Variants in HGS observed in about 807,000 individuals in gnomAD.
HGS encodes hepatocyte growth factor-regulated tyrosine kinase substrate, also known as human growth factor-regulated tyrosine kinase substrate.
A neutral mutation model predicts 109.7 loss-of-function variants in HGS; 63 were observed. The ratio of observed to expected loss-of-function variants is 0.57; its 90% CI spans 0.47 to 0.71. HGS has a LOEUF of 0.71. Ranked by LOEUF, HGS falls within the 30% of genes least tolerant of loss-of-function variation. HGS has a pLI of 0.00. For synonymous variants in HGS, 546 were observed against 437.3 expected (o/e 1.25, Z -3.10); for missense variants, 995 against 1,068.3 (o/e 0.93, Z 0.96).
At chr17:81,693,478 C>A (rs1327087791) in intron 8 of HGS, 25 bp from the exon 9 acceptor site, 7 of 1,593,722 alleles carry the variant, frequency 4.4e-6, no homozygotes, top group Non-Finnish European at 6.0e-6. Context: ...CGCATGGTGA[C>A]CTGCAGCATT....
At chr17:81,698,899 T>C (rs531806749) in intron 18 of HGS, among the ~76,000 whole-genome samples, 1 of 152,026 alleles carries the variant, frequency 6.6e-6, no homozygotes, top group Admixed American at 6.5e-5. Context: ...TGAAACCCCG[T>C]CTACTAAAAA....
Position 81,691,148 on chromosome 17 carries a change from C to T in HGS, c.538-299C>T, listed in dbSNP as rs2037058248. 6 of 449,684 alleles carry T rather than the reference C, an allele frequency of 1.3e-5. No individual in the cohort carries two copies. Among genetic ancestry groups the T allele is most frequent in the Non-Finnish European group, 2.0e-5 (5 of 245,910 alleles). The allele number at this position is 449,684 out of a possible 1,614,324, so 27.9% of individuals were successfully genotyped here. A position where few individuals can be genotyped will look rare whatever the true frequency, so the allele number is the denominator to read the frequency against. On this transcript the variant is annotated intron_variant, in intron 7 of 21. Coordinates refer to ENST00000329138, the MANE Select transcript of HGS (RefSeq NM_004712.5). This position sits in a 1 kb window ranked among gnomAD's most constrained non-coding sequence, Gnocchi z 5.3. ...TTGGGGTTTGGGGTGTCAGCAGCTT[C>T]CAGCACCCACTGCACTCACAAAAGC...
intron 4 of HGS, 100 bp from the exon 5 acceptor site, chr17:81,688,604 C>T: frequency 2.1e-6 from 3 of 1,458,728 alleles, no homozygotes; most frequent in Non-Finnish European, 2.8e-6. Context: ...GTGTCAGCCC[C>T]ATCTGCTCAG....
At chr17:81,685,356 C>T (rs1263846618) in intron 1 of HGS, among the ~76,000 whole-genome samples, 1 of 152,180 alleles carries the variant, frequency 6.6e-6, no homozygotes, top group East Asian at 1.9e-4. Context: ...AGTGTCTTTA[C>T]CTCGCTCGCG....
chr17:81,689,943 G>A (rs2037038692), intron 5 of HGS, among the ~76,000 whole-genome samples: 2 of 152,224 alleles, frequency 1.3e-5, no homozygotes, highest in African/African-American at 4.8e-5. Flanking sequence ...TGATGGAGTG[G>A]GAGCAGTGTC....
In HGS at chr17:81,699,840, C is replaced by T. The variant is rs1363218474; in HGVS notation, c.1883-627C>T. 2.6e-5 allele frequency among the ~76,000 whole-genome samples: 4 copies of T among 151,756 alleles called. No individual in the cohort carries two copies. In the East Asian group the frequency reaches 7.8e-4, roughly 30 times the overall value. ...CTATAATCCCAGCACTTCGGGAGGC[C>T]GAGGCGGGTGGATCACCTGAGGTCA... On this transcript the variant is annotated intron_variant, in intron 18 of 21. Transcript: ENST00000329138.
At chr17:81,697,349 G>GCCCCCCCCCC (rs59387473) in intron 18 of HGS, 7 of 61,804 alleles carry the variant, frequency 1.1e-4, no homozygotes, top group African/African-American at 3.8e-4. Flanking sequence ...CGTGGCATTT[G>GCCCCCCCCCC]CCCCCCCCCC....
intron 18 of HGS, chr17:81,698,506 T>C (rs2037188254): frequency 6.6e-6 from 1 of 152,194 alleles, no homozygotes; most frequent in Admixed American, 6.5e-5. Context: ...GCCATTGGTT[T>C]GGGTTGCTCC....
chr17:81,701,411 A>G (rs1343188548), intron 21 of HGS, 97 bp from the exon 22 acceptor site: 4 of 1,298,846 alleles, frequency 3.1e-6, no homozygotes, highest in South Asian at 1.3e-5. Context: ...CATGGATTAC[A>G]AGCACTTGTG....
chr17:81,691,157 A>G lies in HGS; in HGVS notation c.538-290A>G, dbSNP rs2037058421. 3 of 467,768 alleles carry G rather than the reference A, an allele frequency of 6.4e-6. No individual in the cohort carries two copies. Among genetic ancestry groups the G allele is most frequent in the Non-Finnish European group, 3.9e-6 (1 of 255,284 alleles). The allele number at this position is 467,768 out of a possible 1,614,324, so 29.0% of individuals were successfully genotyped here. On this transcript the variant is annotated intron_variant, in intron 7 of 21. Transcript: ENST00000329138. The surrounding 1 kb of genome is among the most constrained non-coding windows in gnomAD (Gnocchi z 5.3). ...GGGGTGTCAGCAGCTTCCAGCACCCACTGCACTCACAAAAGCTCTTGTTTT... is the reference window on the plus strand; with the variant it reads ...GGGGTGTCAGCAGCTTCCAGCACCCGCTGCACTCACAAAAGCTCTTGTTTT...
chr17:81,693,215 G>A (rs991253000), intron 8 of HGS, among the ~76,000 whole-genome samples: 18 of 152,186 alleles, frequency 1.2e-4, no homozygotes, highest in South Asian at 4.1e-4. Flanking sequence ...CCCGAGTGCC[G>A]TAGGAAGGTC....
Position 81,700,682 on chromosome 17 carries a change from A to G in HGS, c.2017-13A>G. 5.0e-6 allele frequency: 8 copies of G among 1,590,502 alleles called. No homozygotes were observed. Among genetic ancestry groups the G allele is most frequent in the Non-Finnish European group, 6.8e-6 (8 of 1,169,492 alleles). ...CCCAGCCCCTTCTCCCATGGCACTC[A>G]TTCCCTCCGCAGAACGTGGCCTCCC... On this transcript the variant is annotated splice_polypyrimidine_tract_variant and intron_variant, in intron 19 of 21. Transcript: ENST00000329138.
chr17:81,685,254 T>G (rs940243208), intron 1 of HGS, among the ~76,000 whole-genome samples: 6 of 152,162 alleles, frequency 3.9e-5, no homozygotes, highest in Non-Finnish European at 7.4e-5. Flanking sequence ...GGTTCTTTGT[T>G]GAGAAGCAGC....
intron 6 of HGS, chr17:81,690,447 G>A (rs1223759647): frequency 3.1e-6 from 2 of 638,444 alleles, no homozygotes; most frequent in East Asian, 2.8e-5. Flanking sequence ...TGGCTAGGGG[G>A]CTCGGGAAAG....
At chr17:81,688,563 C>T (rs576028027) in intron 4 of HGS, 141 bp from the exon 5 acceptor site, 13 of 991,190 alleles carry the variant, frequency 1.3e-5, no homozygotes, top group South Asian at 6.2e-5. Context: ...ATGGCCCCCA[C>T]GCCCCACTCG....
rs761017744 is a variant in HGS at position 81,696,412 on chromosome 17, G to A, written c.1449G>A (p.Ala483=). 6.4e-5 allele frequency: 102 copies of A among 1,581,438 alleles called. No individual in the cohort carries two copies. The highest frequency in any genetic ancestry group is 3.2e-4 in the East Asian group (14 of 44,098). The change falls in exon 16 of 22, where the codon GCG becomes GCA. Residue 483 remains alanine, a synonymous_variant. Coordinates refer to ENST00000329138, the MANE Select transcript of HGS (RefSeq NM_004712.5). ...KLAQIRDARG[A]LSALREEHRE... The stretch of plus-strand genomic sequence containing the variant: ...CACAGATCCGCGATGCCCGGGGGGC[G>A]CTGAGTGCCCTGCGCGAAGAGCACC...
chr17:81,694,983 C>T lies in HGS; in HGVS notation c.1035C>T (p.Ser345=). The T allele has an allele frequency of 6.2e-7, 1 of 1,614,116 alleles. No homozygotes were observed. Among genetic ancestry groups the T allele is most frequent in the African/African-American group, 1.3e-5 (1 of 75,070 alleles). ...WEKKQEEARK[S]PTPSAPVPLT... is the part of the protein sequence containing the mutation. ...AGAAGCAGGAGGAGGCTCGCAAGAG[C>T]CCCACGCCATCTGCGCCCGTGCCCC... The change falls in exon 13 of 22, where the codon AGC becomes AGT. Residue 345 remains serine, a synonymous_variant. Coordinates refer to ENST00000329138, the MANE Select transcript of HGS (RefSeq NM_004712.5).
intron 3 of HGS, among the ~76,000 whole-genome samples, 165 bp from the exon 4 acceptor site, chr17:81,686,838 T>A: frequency 6.7e-6 from 1 of 149,358 alleles, no homozygotes; most frequent in South Asian, 2.1e-4. Flanking sequence ...CTCCGGCCAC[T>A]GACGGGCCTG....
intron 1 of HGS, 99 bp downstream of exon 1, chr17:81,684,202 G>T: frequency 9.0e-7 from 1 of 1,110,056 alleles, no homozygotes. Context: ...GCGCGGACCG[G>T]CCGCCCTGCC....
Sources: gnomAD v4.1 joint callset for allele counts (sites outside exome capture counted in the v4.1 genomes callset) on GRCh38, gnomAD v4.1.1 for gene constraint, Gnocchi (gnomAD v3.1) non-coding constraint, MANE v1.5 for transcripts, NCBI Gene and HGNC (gene_info 2026-07-23, HGNC 2026-07-21) for gene names.